NCKIPSD: variants seen among roughly 807,000 people sequenced by gnomAD.
NCKIPSD encodes NCK interacting protein with SH3 domain, also known as NCK-interacting protein with SH3 domain.
Under a neutral mutation model 73.4 loss-of-function variants are expected in NCKIPSD, and 48 were observed. That is an observed-to-expected ratio of 0.65 (90% CI 0.52 to 0.83). The LOEUF (loss-of-function observed/expected upper bound fraction) is 0.83, where lower values mean the gene tolerates loss of function less well. Ranked by LOEUF, NCKIPSD falls within the 40% of genes least tolerant of loss-of-function variation. NCKIPSD has a pLI of 0.00. For missense variants in NCKIPSD, 884 were observed against 970.2 expected (o/e 0.91, Z 1.18); for synonymous variants, 422 against 403.6 (o/e 1.05, Z -0.54).
chr3:48,682,606 C>G, intron 2 of NCKIPSD, 54 bp from the exon 3 acceptor site: 5 of 1,584,946 alleles, frequency 3.2e-6, no homozygotes, highest in Non-Finnish European at 4.3e-6. Flanking sequence ...GCTCAAAGTC[C>G]TCATATGCCC....
At position 48,674,387 on chromosome 3, in the gene NCKIPSD, G is replaced by T; in HGVS notation, c.*157C>A. 2.1e-6 allele frequency: 3 copies of T among 1,452,198 alleles called. No individual in the cohort carries two copies. Among genetic ancestry groups the T allele is most frequent in the Non-Finnish European group, 2.7e-6 (3 of 1,104,396 alleles). 90.0% of individuals were successfully genotyped at this position (1,452,198 alleles called of 1,614,324 possible). A position where few individuals can be genotyped will look rare whatever the true frequency, so the allele number is the denominator to read the frequency against. On this transcript the variant is annotated 3_prime_UTR_variant, in exon 13 of 13. Transcript: ENST00000294129. ...GACCATGGTCCCCAATCCTACACTT[G>T]GCCCCTCTCTTAAGTTCTACTTCAG...
chr3:48,678,853 C>T (rs375987916), intron 11 of NCKIPSD, 24 bp downstream of exon 11: 5 of 1,613,644 alleles, frequency 3.1e-6, no homozygotes, highest in African/African-American at 2.7e-5. Flanking sequence ...GAAGTGGTAC[C>T]CGCGCAGATT....
chr3:48,678,997 G>T, intron 10 of NCKIPSD, 28 bp from the exon 11 acceptor site: 1 of 1,614,142 alleles, frequency 6.2e-7, no homozygotes, highest in Non-Finnish European at 8.5e-7. Context: ...TATAGACAGG[G>T]TGCTGAGCCT....
In NCKIPSD at chr3:48,674,251, T is replaced by A; in HGVS notation, c.*293A>T. On this transcript the variant is annotated 3_prime_UTR_variant, in exon 13 of 13. Coordinates refer to ENST00000294129, the MANE Select transcript of NCKIPSD (RefSeq NM_016453.4). ...CCAGCCTGGAGCGGCAGCAGGACTC[T>A]GAGTGTACACATGGGTGTGGGGTGA... 7.7e-7 allele frequency: 1 copy of A among 1,295,416 alleles called. No homozygotes were observed. Among genetic ancestry groups the A allele is most frequent in the South Asian group, 1.8e-5 (1 of 56,342 alleles). 80.2% of individuals were successfully genotyped at this position (1,295,416 alleles called of 1,614,324 possible). A position where few individuals can be genotyped will look rare whatever the true frequency, so the allele number is the denominator to read the frequency against.
intron 1 of NCKIPSD, 69 bp from the exon 2 acceptor site, chr3:48,683,081 G>T (rs946181506): frequency 6.5e-7 from 1 of 1,540,862 alleles, no homozygotes; most frequent in East Asian, 2.4e-5. Flanking sequence ...GGCCCAGCCC[G>T]AGATAGAACC....
chr3:48,683,332 A>T (rs536619509), intron 1 of NCKIPSD, among the ~76,000 whole-genome samples: 1 of 152,196 alleles, frequency 6.6e-6, no homozygotes, highest in Non-Finnish European at 1.5e-5. Context: ...AGGGGCTCCC[A>T]GCTTGCAGCC....
At chr3:48,684,372 G>A (rs1183102231) in intron 1 of NCKIPSD, among the ~76,000 whole-genome samples, 1 of 152,150 alleles carries the variant, frequency 6.6e-6, no homozygotes, top group Non-Finnish European at 1.5e-5. Flanking sequence ...CTTTTCCTCA[G>A]AGGCCTTCAA....
rs1241678411 is a variant in NCKIPSD, at chr3:48,685,859, A to G, written c.-52T>C. The stretch of plus-strand genomic sequence containing the variant: ...AGGTGGCAAGGGCTGCGGCGCCACA[A>G]CGCCAGGCCGGGAGCGCCGAGCCGC... On this transcript the variant is annotated 5_prime_UTR_variant, in exon 1 of 13. Transcript: ENST00000294129. The G allele has an allele frequency of 1.5e-6, 2 of 1,339,878 alleles. No individual in the cohort carries two copies. Among genetic ancestry groups the G allele is most frequent in the Non-Finnish European group, 1.9e-6 (2 of 1,047,758 alleles). 83.0% of individuals were successfully genotyped at this position (1,339,878 alleles called of 1,614,324 possible).
Position 48,682,987 on chromosome 3 carries a change from G to C in NCKIPSD, c.197C>G (p.Ala66Gly). Reference sequence around the variant, plus strand: ...TACAGCCTCGATGGCCCGGTCAATGGCCTGGAGGACATCCTGCTCCAGGCC... The same window carrying C: ...TACAGCCTCGATGGCCCGGTCAATGCCCTGGAGGACATCCTGCTCCAGGCC... ...LQGLEQDVLQ[A>G]IDRAIEAVHN... The change falls in exon 2 of 13, where the codon GCC becomes GGC. Residue 66 changes from alanine to glycine, a missense_variant. By Grantham distance (60) the Ala-to-Gly change is moderately conservative. Transcript: ENST00000294129. The C allele has an allele frequency of 6.4e-7, 1 of 1,551,014 alleles. No homozygotes were observed. Among genetic ancestry groups the C allele is most frequent in the Non-Finnish European group, 8.7e-7 (1 of 1,147,328 alleles).
intron 2 of NCKIPSD, 63 bp from the exon 3 acceptor site, chr3:48,682,615 C>T (rs1444248402): frequency 1.3e-6 from 2 of 1,567,372 alleles, no homozygotes; most frequent in African/African-American, 1.4e-5. Context: ...CCTCATATGC[C>T]CCTGTGGGAT....
rs2077217231 is a variant in NCKIPSD at position 48,674,223 on chromosome 3, G to A, written c.*321C>T. On this transcript the variant is annotated 3_prime_UTR_variant, in exon 13 of 13. Transcript: ENST00000294129. The stretch of plus-strand genomic sequence containing the variant: ...CCAGGAGGGGTGGGGATGGGGGTCT[G>A]GTCCAGCCTGGAGCGGCAGCAGGAC... The A allele has an allele frequency of 4.0e-6, 5 of 1,255,618 alleles. No homozygotes were observed. In the South Asian group the frequency reaches 7.8e-5, roughly 20 times the overall value. The allele number at this position is 1,255,618 out of a possible 1,614,324, so 77.8% of individuals were successfully genotyped here. A position where few individuals can be genotyped will look rare whatever the true frequency, so the allele number is the denominator to read the frequency against.
Position 48,685,875 on chromosome 3 carries a change from G to GCCGAGCCGCGCCGCGGTTGTC in NCKIPSD, c.-89_-69dup. 7.6e-7 allele frequency: 1 copy of GCCGAGCCGCGCCGCGGTTGTC among 1,309,672 alleles called. No homozygotes were observed. The highest frequency in any genetic ancestry group is 9.8e-7 in the Non-Finnish European group (1 of 1,024,532). The allele number at this position is 1,309,672 out of a possible 1,614,324, so 81.1% of individuals were successfully genotyped here. ...GGCGCCACAACGCCAGGCCGGGAGC[G>GCCGAGCCGCGCCGCGGTTGTC]CCGAGCCGCGCCGCGGTTGTCCCGC... On this transcript the variant is annotated 5_prime_UTR_variant, in exon 1 of 13. Transcript: ENST00000294129.
chr3:48,675,528 GATAT>G (rs5848856), intron 12 of NCKIPSD, among the ~76,000 whole-genome samples: 5 of 122,296 alleles, frequency 4.1e-5, no homozygotes, highest in East Asian at 2.2e-4. Flanking sequence ...ATATATATAT[GATAT>G]ATATATATAT....
At chr3:48,676,533 T>C (rs1422881006) in intron 12 of NCKIPSD, among the ~76,000 whole-genome samples, 1 of 152,146 alleles carries the variant, frequency 6.6e-6, no homozygotes, top group African/African-American at 2.4e-5. Flanking sequence ...CAGGCTGGAG[T>C]GCAATGACAC....
chr3:48,675,734 C>A (rs1251911145), intron 12 of NCKIPSD, among the ~76,000 whole-genome samples: 1 of 151,202 alleles, frequency 6.6e-6, no homozygotes, highest in Non-Finnish European at 1.5e-5. Context: ...TAAGAAGAGA[C>A]GGGGTTTCGC....
chr3:48,674,300 A>G lies in NCKIPSD; in HGVS notation c.*244T>C. On this transcript the variant is annotated 3_prime_UTR_variant, in exon 13 of 13. Transcript: ENST00000294129. Reference sequence around the variant, plus strand: ...GAAGAGGGGGGCATGCTGAAGAGGAAGCCTACCAGGGTATAGAGGGGCTTT... The same window carrying G: ...GAAGAGGGGGGCATGCTGAAGAGGAGGCCTACCAGGGTATAGAGGGGCTTT... The G allele has an allele frequency of 7.3e-7, 1 of 1,370,474 alleles. No homozygotes were observed. The highest frequency in any genetic ancestry group is 9.5e-7 in the Non-Finnish European group (1 of 1,057,604). 84.9% of individuals were successfully genotyped at this position (1,370,474 alleles called of 1,614,324 possible).
chr3:48,684,919 A>G (rs923759893), intron 1 of NCKIPSD, among the ~76,000 whole-genome samples: 1 of 151,818 alleles, frequency 6.6e-6, no homozygotes, highest in African/African-American at 2.4e-5. Flanking sequence ...AGTGGAGCAG[A>G]CAGTGTCAGC....
chr3:48,676,187 C>T (rs1185258404), intron 12 of NCKIPSD, among the ~76,000 whole-genome samples: 2 of 152,228 alleles, frequency 1.3e-5, no homozygotes, highest in Non-Finnish European at 2.9e-5. Context: ...ATAATGTCCA[C>T]CTTCTCTGTC....
intron 1 of NCKIPSD, 103 bp from the exon 2 acceptor site, chr3:48,683,115 A>G: frequency 6.5e-7 from 1 of 1,530,586 alleles, no homozygotes; most frequent in Non-Finnish European, 8.8e-7. Context: ...CAATATAGCG[A>G]AAGCCTGGAA....
Sources: allele counts gnomAD v4.1 joint callset (sites outside exome capture counted in the v4.1 genomes callset), GRCh38; gene constraint gnomAD v4.1.1; transcripts MANE v1.5; gene names NCBI Gene and HGNC (gene_info 2026-07-23, HGNC 2026-07-21).